The following TMEM130 variants were observed in gnomAD, a reference collection of about 807,000 sequenced individuals.
TMEM130 encodes the protein transmembrane protein 130.
TMEM130 carries 37 observed loss-of-function variants against 42.9 expected under a neutral mutation model. The observed-to-expected ratio is 0.86, with a 90% CI of 0.66 to 1.13. The LOEUF is 1.13. TMEM130 is among the 50% of genes most tolerant of loss of function. The pLI is 0.00. For synonymous variants in TMEM130, 259 were observed against 237.7 expected (o/e 1.09, Z -0.82); for missense variants, 545 against 562.6 (o/e 0.97, Z 0.32).
At chr7:98,848,987 G>A (rs911554487) in intron 6 of TMEM130, among the ~76,000 whole-genome samples, 5 of 152,144 alleles carry the variant, frequency 3.3e-5, no homozygotes, top group South Asian at 2.1e-4. Context: ...TGGACTCAGC[G>A]ACCAGCTCCT....
At position 98,851,642 on chromosome 7, in the gene TMEM130, G is replaced by T; in HGVS notation, c.804-19C>A. 1 of 1,590,120 alleles carries T rather than the reference G, an allele frequency of 6.3e-7. No homozygotes were observed. The highest frequency in any genetic ancestry group is 8.6e-7 in the Non-Finnish European group (1 of 1,167,116). ...AGGAGGGCTGCAGGGAAATGGGGGC[G>T]GTTTTTAAGAAAAGGCTCAGCAAAG... On this transcript the variant is annotated intron_variant, in intron 5 of 7. Transcript: ENST00000339375.
intron 2 of TMEM130, 100 bp from the exon 3 acceptor site, chr7:98,860,438 T>A: frequency 1.6e-6 from 2 of 1,235,168 alleles, no homozygotes; most frequent in African/African-American, 1.5e-5. Context: ...ACCACTTCCC[T>A]GCCCGGACCT....
intron 5 of TMEM130, 123 bp from the exon 6 acceptor site, chr7:98,851,746 C>T (rs932426868): frequency 5.2e-5 from 43 of 832,816 alleles, no homozygotes; most frequent in African/African-American, 1.7e-4. Flanking sequence ...GACATCAAGC[C>T]GTCCTGGACT....
intron 6 of TMEM130, among the ~76,000 whole-genome samples, chr7:98,850,682 G>A (rs782540049): frequency 3.0e-4 from 46 of 152,096 alleles, no homozygotes; most frequent in Non-Finnish European, 5.1e-4. Context: ...CCAGAGTCCT[G>A]GGAGCCACCA....
intron 5 of TMEM130, among the ~76,000 whole-genome samples, chr7:98,852,585 GTTTTGT>G (rs1326603575): frequency 1.3e-5 from 2 of 151,194 alleles, no homozygotes; most frequent in African/African-American, 4.9e-5. Flanking sequence ...TTGTTTGTTT[GTTTTGT>G]TTTTGTTTTT....
In TMEM130 at chr7:98,851,410, G is replaced by A. The variant is rs782741803; in HGVS notation, c.1006+11C>T. On this transcript the variant is annotated intron_variant, in intron 6 of 7. Transcript: ENST00000339375. ...ATGTGGCACTGGAGCAGAAGGCGAG[G>A]TGTCACTTACTGGAGGGCCACACCT... 3.1e-6 allele frequency: 5 copies of A among 1,613,902 alleles called. No individual in the cohort carries two copies. In the South Asian group the frequency reaches 4.4e-5, roughly 14 times the overall value.
At position 98,863,300 on chromosome 7, in the gene TMEM130, G is replaced by A; in HGVS notation, c.186C>T (p.Ala62=). The A allele has an allele frequency of 6.2e-7, 1 of 1,613,308 alleles. No individual in the cohort carries two copies. Among genetic ancestry groups the A allele is most frequent in the South Asian group, 1.1e-5 (1 of 91,072 alleles). The change falls in exon 2 of 8, where the codon GCC becomes GCT. Residue 62 remains alanine (A), a synonymous_variant. Transcript: ENST00000339375. The part of the protein sequence containing the change: ...SLVAKDNGSL[A]LPADAHLYRF... The stretch of plus-strand genomic sequence containing the variant: ...GGTAGAGGTGGGCGTCAGCGGGCAG[G>A]GCCAGGCTGCCGTTGTCCTTGGCCA...
chr7:98,861,287 G>A (rs1014811626), intron 2 of TMEM130, among the ~76,000 whole-genome samples: 5 of 146,218 alleles, frequency 3.4e-5, no homozygotes, highest in African/African-American at 1.3e-4. Context: ...GCAGTGAGTC[G>A]AGATCGCGCC....
intron 5 of TMEM130, among the ~76,000 whole-genome samples, chr7:98,854,491 C>T (rs1207075049): frequency 4.6e-5 from 7 of 152,208 alleles, no homozygotes; most frequent in South Asian, 2.1e-4. Context: ...GTAATCCCAG[C>T]ACTTGGGGAG....
chr7:98,860,247 G>A lies in TMEM130; in HGVS notation c.483C>T (p.Phe161=). ...GGAAGTTGCTCGGGTCGTGGAGGAG[G>A]AAGGAGACTTTCAGGACGGTCTTAG... ...YLTKTVLKVS[F]LLHDPSNFLK... is the part of the protein sequence containing the mutation. The change falls in exon 3 of 8, where the codon TTC becomes TTT. Residue 161 remains phenylalanine (F), a synonymous_variant. Transcript: ENST00000339375. 3 of 1,614,082 alleles carry A rather than the reference G, an allele frequency of 1.9e-6. No individual in the cohort carries two copies. In the South Asian group the frequency reaches 3.3e-5, roughly 18 times the overall value.
chr7:98,864,259 G>A (rs553053094), intron 1 of TMEM130, among the ~76,000 whole-genome samples: 210 of 152,114 alleles, frequency 1.4e-3, no homozygotes, highest in Non-Finnish European at 1.6e-3. Context: ...AGGCTGGGGT[G>A]TAGTGGCATG....
At chr7:98,855,890 C>T (rs1246847732) in intron 4 of TMEM130, 127 bp downstream of exon 4, 29 of 1,101,060 alleles carry the variant, frequency 2.6e-5, no homozygotes, top group Middle Eastern at 3.1e-4. Context: ...TAATGATAGA[C>T]GCTCCTCAGA....
At chr7:98,851,216 G>A (rs1794494669) in intron 6 of TMEM130, among the ~76,000 whole-genome samples, 1 of 152,166 alleles carries the variant, frequency 6.6e-6, no homozygotes, top group African/African-American at 2.4e-5. Context: ...TGGAGAGTTT[G>A]GTGGTGGTGG....
In TMEM130 at chr7:98,856,078, C is replaced by G. The variant is rs782253561; in HGVS notation, c.657G>C (p.Pro219=). 1 of 1,613,748 alleles carries G rather than the reference C, an allele frequency of 6.2e-7. No homozygotes were observed. Among genetic ancestry groups the G allele is most frequent in the African/African-American group, 1.3e-5 (1 of 74,924 alleles). Residue 219 remains proline, a synonymous_variant, in exon 4 of 8, where the codon CCG becomes CCC. Transcript: ENST00000339375. Reference sequence around the variant, plus strand: ...TCTGCTTCACAGCCCTCGTGGCATCCGGCTCCACCTCTTCCCACTCCGCCA... The same window carrying G: ...TCTGCTTCACAGCCCTCGTGGCATCGGGCTCCACCTCTTCCCACTCCGCCA... The part of the protein sequence containing the change: ...KVVAEWEEVE[P]DATRAVKQKT...
At chr7:98,854,984 C>T (rs1319428960) in intron 5 of TMEM130, among the ~76,000 whole-genome samples, 2 of 152,044 alleles carry the variant, frequency 1.3e-5, no homozygotes, top group Non-Finnish European at 2.9e-5. Flanking sequence ...CGCAGTGAGC[C>T]AAGATTGCGC....
chr7:98,866,299 GAAATTCCATCTC>G, intron 1 of TMEM130: 2 of 152,260 alleles, frequency 1.3e-5, no homozygotes, highest in Middle Eastern at 3.4e-3. Flanking sequence ...CAAAAAGAGC[GAAATTCCATCTC>G]AAATAAATAA....
At chr7:98,867,938 C>T (rs1794945526) in intron 1 of TMEM130, among the ~76,000 whole-genome samples, 1 of 152,148 alleles carries the variant, frequency 6.6e-6, no homozygotes, top group Non-Finnish European at 1.5e-5. Flanking sequence ...CCACCAAATT[C>T]ATCTTTCCAG....
intron 2 of TMEM130, 33 bp downstream of exon 2, chr7:98,863,062 G>C: frequency 6.3e-7 from 1 of 1,587,664 alleles, no homozygotes; most frequent in Non-Finnish European, 8.6e-7. Context: ...CCAAGGGTTT[G>C]AAGGCAAACT....
At chr7:98,859,620 G>T (rs1201512450) in intron 3 of TMEM130, among the ~76,000 whole-genome samples, 1 of 151,962 alleles carries the variant, frequency 6.6e-6, no homozygotes, top group Admixed American at 6.6e-5. Flanking sequence ...CACACCTGTA[G>T]TCCCAGTATT....
Sources: allele counts gnomAD v4.1 joint callset (sites outside exome capture counted in the v4.1 genomes callset), GRCh38; gene constraint gnomAD v4.1.1; transcripts MANE v1.5; gene names NCBI Gene and HGNC (gene_info 2026-07-23, HGNC 2026-07-21).